The following ZFPM2 variants were observed in gnomAD, a reference collection of about 807,000 sequenced individuals.
ZFPM2 encodes the protein zinc finger protein, FOG family member 2, also known as zinc finger protein ZFPM2.
In ZFPM2, 20 loss-of-function variants were observed where a neutral mutation model predicts 98.6. The observed-to-expected ratio is 0.20, with a 90% CI of 0.14 to 0.29. The LOEUF is 0.29. Among genes scored for constraint, ZFPM2 ranks in the 10% least tolerant of loss-of-function variants. ZFPM2 has a pLI of 1.00. For missense variants in ZFPM2, 1,310 were observed against 1,388.6 expected, an observed-to-expected ratio of 0.94 and a Z score of 0.90; for synonymous variants, 518 against 502.7, an observed-to-expected ratio of 1.03 and a Z score of -0.41.
At chr8:105,600,530 A>T (rs1816070727) in intron 4 of ZFPM2, among the ~76,000 whole-genome samples, 1 of 152,026 alleles carries the variant, frequency 6.6e-6, no homozygotes, top group South Asian at 2.1e-4. Flanking sequence ...TTGTATTTTT[A>T]AGGTTTTTGT....
chr8:105,573,062 G>A (rs1362847684), intron 4 of ZFPM2, among the ~76,000 whole-genome samples: 1 of 152,172 alleles, frequency 6.6e-6, no homozygotes, highest in East Asian at 1.9e-4. Context: ...CAAGGGGACA[G>A]ACAGGTCTTG....
chr8:105,566,183 G>C (rs539165991), intron 4 of ZFPM2, among the ~76,000 whole-genome samples: 1 of 152,158 alleles, frequency 6.6e-6, no homozygotes, highest in East Asian at 1.9e-4. Flanking sequence ...CTGTGAGTTG[G>C]CAATTAAAAT....
intron 7 of ZFPM2, among the ~76,000 whole-genome samples, chr8:105,799,697 T>C (rs1429503635): frequency 2.6e-5 from 4 of 152,242 alleles, no homozygotes; most frequent in African/African-American, 7.2e-5. Context: ...TACAGAATTC[T>C]ATTAACTTTA....
chr8:105,803,552 C>G lies in ZFPM2; in HGVS notation c.*14C>G, dbSNP rs1419520043. The stretch of plus-strand genomic sequence containing the variant: ...CATGTCAAATGAACTAACTAAACAT[C>G]AGTCACCTTTGGTATCAGTGTTTAG... On this transcript the variant is annotated 3_prime_UTR_variant, in exon 8 of 8. Transcript: ENST00000407775. The G allele has an allele frequency of 1.3e-6, 2 of 1,593,562 alleles. No individual in the cohort carries two copies. Among genetic ancestry groups the G allele is most frequent in the Admixed American group, 3.5e-5 (2 of 56,906 alleles).
chr8:105,537,994 T>C (rs1445832483), intron 3 of ZFPM2, among the ~76,000 whole-genome samples: 2 of 152,096 alleles, frequency 1.3e-5, no homozygotes, highest in Non-Finnish European at 2.9e-5. Context: ...CCTCCCAAAG[T>C]GTATAATATC....
chr8:105,644,926 T>A (rs751269618), intron 5 of ZFPM2, among the ~76,000 whole-genome samples: 3 of 152,180 alleles, frequency 2.0e-5, no homozygotes, highest in African/African-American at 7.2e-5. Context: ...TTCCAACATA[T>A]ACATTTTGGG....
intron 3 of ZFPM2, among the ~76,000 whole-genome samples, chr8:105,451,921 A>T (rs544310886): frequency 6.6e-6 from 1 of 152,272 alleles, no homozygotes; most frequent in East Asian, 1.9e-4. Flanking sequence ...TGTTCACAAA[A>T]ATATATTATT....
chr8:105,435,666 TA>T (rs371348150), intron 2 of ZFPM2, among the ~76,000 whole-genome samples: 1 of 151,158 alleles, frequency 6.6e-6, no homozygotes, highest in Non-Finnish European at 1.5e-5. Flanking sequence ...TGGATAGAAG[TA>T]AAAAAAAATG....
At chr8:105,438,810 C>T (rs1385345387) in intron 2 of ZFPM2, among the ~76,000 whole-genome samples, 1 of 152,188 alleles carries the variant, frequency 6.6e-6, no homozygotes, top group African/African-American at 2.4e-5. Flanking sequence ...TTGCAGTCAA[C>T]ATGAAGGTAG....
intron 3 of ZFPM2, among the ~76,000 whole-genome samples, chr8:105,560,190 AAG>A (rs1197619319): frequency 1.3e-5 from 2 of 151,172 alleles, no homozygotes; most frequent in Non-Finnish European, 3.0e-5. Flanking sequence ...AAAAAAAAGA[AAG>A]AAAATATAAG....
At chr8:105,345,709 T>G (rs1484395267) in intron 1 of ZFPM2, among the ~76,000 whole-genome samples, 2 of 152,140 alleles carry the variant, frequency 1.3e-5, no homozygotes, top group Non-Finnish European at 2.9e-5. Context: ...GTGTCTCTAT[T>G]GTTAAGATTG....
chr8:105,765,057 T>C (rs966328606), intron 5 of ZFPM2, among the ~76,000 whole-genome samples: 3 of 151,836 alleles, frequency 2.0e-5, no homozygotes, highest in African/African-American at 4.8e-5. Context: ...CAGTGTACAA[T>C]ATGTCACTTT....
At chr8:105,610,587 C>T (rs1397912633) in intron 4 of ZFPM2, among the ~76,000 whole-genome samples, 5 of 151,990 alleles carry the variant, frequency 3.3e-5, no homozygotes, top group East Asian at 1.9e-4. Flanking sequence ...TTGCATTAAA[C>T]TCTCAAAGAT....
At chr8:105,695,382 T>C (rs1315573453) in intron 5 of ZFPM2, among the ~76,000 whole-genome samples, 1 of 126,254 alleles carries the variant, frequency 7.9e-6, no homozygotes, top group East Asian at 2.0e-4. Context: ...GTTTGTATTT[T>C]TTTTTTTTTT....
intron 3 of ZFPM2, among the ~76,000 whole-genome samples, chr8:105,539,130 A>C (rs1814522872): frequency 6.6e-6 from 1 of 152,170 alleles, no homozygotes. Flanking sequence ...CCTTTCTAGG[A>C]ATGTTCTCCT....
chr8:105,560,735 G>A (rs1441800227), intron 3 of ZFPM2, among the ~76,000 whole-genome samples: 1 of 151,856 alleles, frequency 6.6e-6, no homozygotes, highest in African/African-American at 2.4e-5. Flanking sequence ...ATATTACTCT[G>A]GAGTAAATGA....
intron 5 of ZFPM2, among the ~76,000 whole-genome samples, chr8:105,731,563 T>C (rs912824151): frequency 6.6e-6 from 1 of 151,688 alleles, no homozygotes; most frequent in Admixed American, 6.6e-5. Context: ...ATGAATTGAA[T>C]GAACTAAAAG....
chr8:105,495,089 C>A (rs1445045969), intron 3 of ZFPM2, among the ~76,000 whole-genome samples: 2 of 152,184 alleles, frequency 1.3e-5, no homozygotes, highest in African/African-American at 4.8e-5. Flanking sequence ...GGCCCACAGG[C>A]TGTAGTTTGC....
intron 3 of ZFPM2, among the ~76,000 whole-genome samples, chr8:105,470,776 T>TAA (rs559014486): frequency 1.0e-3 from 154 of 148,658 alleles, no homozygotes; most frequent in Admixed American, 2.1e-3. Context: ...AGACTTCATC[T>TAA]AAAAAAAAAA....
Sources: allele counts gnomAD v4.1 joint callset (sites outside exome capture counted in the v4.1 genomes callset), GRCh38; gene constraint gnomAD v4.1.1; transcripts MANE v1.5; gene names NCBI Gene and HGNC (gene_info 2026-07-23, HGNC 2026-07-21).